Variants in STAT4 observed in about 807,000 individuals in gnomAD.
The protein encoded by STAT4 is signal transducer and activator of transcription 4.
STAT4 carries 42 observed loss-of-function variants against 110.5 expected under a neutral mutation model. The ratio of observed to expected loss-of-function variants is 0.38; its 90% confidence interval spans 0.30 to 0.49. The LOEUF (loss-of-function observed/expected upper bound fraction) is 0.49, where lower values mean the gene tolerates loss of function less well. STAT4 is among the 20% of genes least tolerant of loss of function. STAT4 has a pLI of 0.95. For synonymous variants in STAT4, 284 were observed against 302.2 expected (o/e 0.94, Z 0.63); for missense variants, 632 against 887.9 (o/e 0.71, Z 3.66).
intron 3 of STAT4, among the ~76,000 whole-genome samples, chr2:191,102,476 T>C (rs1698170944): frequency 6.6e-6 from 1 of 152,176 alleles, no homozygotes; most frequent in Admixed American, 6.6e-5. Context: ...AACCTTGTTT[T>C]TACAACAACT....
chr2:191,047,801 G>C (rs1696392025), intron 14 of STAT4, among the ~76,000 whole-genome samples: 1 of 152,122 alleles, frequency 6.6e-6, no homozygotes, highest in Admixed American at 6.5e-5. Flanking sequence ...GAGTAGCTGG[G>C]ACTATGGGCG....
At position 191,099,209 on chromosome 2, in the gene STAT4, TA is replaced by T. The variant is rs1167135859; in HGVS notation, c.274-22885del. Among the ~76,000 whole-genome samples, 1 of 152,082 alleles carries T rather than the reference TA, an allele frequency of 6.6e-6. No individual in the cohort carries two copies. Among genetic ancestry groups the T allele is most frequent in the East Asian group, 1.9e-4 (1 of 5,202 alleles). On this transcript the variant is annotated intron_variant, in intron 3 of 23. Transcript: ENST00000392320. This position sits in a 1 kb window ranked among gnomAD's most constrained non-coding sequence, Gnocchi z 4.1. ...GGTTGACAAAAATAAAAAAGAATGA[TA>T]ATATCTATTGTTAATGAAGATATGG...
At chr2:191,129,992 A>C (rs1365192134) in intron 3 of STAT4, among the ~76,000 whole-genome samples, 1 of 151,814 alleles carries the variant, frequency 6.6e-6, no homozygotes, top group African/African-American at 2.4e-5. Flanking sequence ...GTCTTTTTGA[A>C]ATTTTGCCAA....
rs11686127 is a variant in STAT4, at chr2:191,053,305, C to T, written c.1251+1185G>A. ...TTTACACCTGCAGCACCTCTGAGCACGGGCTGTTGAGCATGACTATCCTGC... is the reference window on the plus strand; with the variant it reads ...TTTACACCTGCAGCACCTCTGAGCATGGGCTGTTGAGCATGACTATCCTGC... On this transcript the variant is annotated intron_variant, in intron 14 of 23. Coordinates refer to ENST00000392320, the MANE Select transcript of STAT4 (RefSeq NM_003151.4). This position sits in a 1 kb window ranked among gnomAD's most constrained non-coding sequence, Gnocchi z 4.5. Among the ~76,000 whole-genome samples, 10,590 of 152,194 alleles carry T rather than the reference C, an allele frequency of 0.07. 441 individuals are homozygous for T. Among genetic ancestry groups the T allele is most frequent in the Middle Eastern group, 0.12 (35 of 294 alleles).
At chr2:191,096,550 C>T (rs1288018521) in intron 3 of STAT4, among the ~76,000 whole-genome samples, 2 of 152,134 alleles carry the variant, frequency 1.3e-5, no homozygotes, top group Non-Finnish European at 2.9e-5. Context: ...GCAGAGAAGG[C>T]CTTTCACAAA....
In STAT4 at chr2:191,091,541, T is replaced by A. The variant is rs1268185388; in HGVS notation, c.274-15216A>T. Among the ~76,000 whole-genome samples, 2 of 152,200 alleles carry A rather than the reference T, an allele frequency of 1.3e-5. No homozygotes were observed. Among genetic ancestry groups the A allele is most frequent in the Admixed American group, 6.5e-5 (1 of 15,278 alleles). On this transcript the variant is annotated intron_variant, in intron 3 of 23. Transcript: ENST00000392320. The surrounding 1 kb of genome is among the most constrained non-coding windows in gnomAD (Gnocchi z 5.4). ...TTTAATGCAATTAAAGTTAGAGTCC[T>A]AACTTTTGGAGGGTTTGAGGTTGAA...
In STAT4 at chr2:191,050,739, G is replaced by A. The variant is rs570703268; in HGVS notation, c.1251+3751C>T. Among the ~76,000 whole-genome samples, 4 of 152,252 alleles carry A rather than the reference G, an allele frequency of 2.6e-5. No individual in the cohort carries two copies. In the South Asian group the frequency reaches 8.3e-4, roughly 32 times the overall value. On this transcript the variant is annotated intron_variant, in intron 14 of 23. Transcript: ENST00000392320. This position sits in a 1 kb window ranked among gnomAD's most constrained non-coding sequence, Gnocchi z 4.3. ...TTTCCCCAACCCCCAGGGCAAATGG[G>A]GTTCCTGAGGTACCTCTTTGGCATC...
At chr2:191,052,585 T>C (rs573235052) in intron 14 of STAT4, among the ~76,000 whole-genome samples, 1 of 152,290 alleles carries the variant, frequency 6.6e-6, no homozygotes, top group East Asian at 1.9e-4. Flanking sequence ...GTGAAGATTT[T>C]CATTTTACAT....
intron 3 of STAT4, among the ~76,000 whole-genome samples, chr2:191,078,014 AT>A (rs1170817845): frequency 6.6e-6 from 1 of 151,716 alleles, no homozygotes; most frequent in Non-Finnish European, 1.5e-5. Context: ...CCCATGTATT[AT>A]TTTTTTCATG....
intron 5 of STAT4, among the ~76,000 whole-genome samples, chr2:191,070,704 C>T (rs1199881006): frequency 6.6e-6 from 1 of 152,148 alleles, no homozygotes; most frequent in Admixed American, 6.6e-5. Flanking sequence ...ATCAGAATAA[C>T]ATTTAATCCA....
Position 191,073,121 on chromosome 2 carries a change from C to A in STAT4, c.442G>T (p.Ala148Ser). ...ERQRNVEHKV[A>S]AIKNSVQMTE... is the part of the protein sequence containing the mutation. ...ACCTGCACACTGTTTTTAATGGCAG[C>A]CACTTTGTGCTCCACATTCCTCTGT... The change falls in exon 5 of 24, where the codon GCT becomes TCT. Residue 148 changes from alanine (A) to serine (S), a missense_variant. Around this residue, in one of 4 missense-constraint regions of STAT4, gnomAD observed 488 missense variants for 632.8 expected, o/e 0.77. Transcript: ENST00000392320. 6.2e-7 allele frequency: 1 copy of A among 1,613,900 alleles called. No individual in the cohort carries two copies. Among genetic ancestry groups the A allele is most frequent in the Non-Finnish European group, 8.5e-7 (1 of 1,179,890 alleles).
chr2:191,138,361 G>T lies in STAT4; in HGVS notation c.273+8252C>A, dbSNP rs926408139. 1.3e-5 allele frequency among the ~76,000 whole-genome samples: 2 copies of T among 152,018 alleles called. No individual in the cohort carries two copies. Among genetic ancestry groups the T allele is most frequent in the Non-Finnish European group, 2.9e-5 (2 of 67,992 alleles). On this transcript the variant is annotated intron_variant, in intron 3 of 23. Transcript: ENST00000392320. This position sits in a 1 kb window ranked among gnomAD's most constrained non-coding sequence, Gnocchi z 4.3. ...GATAATATTGATAGACCATTAGTGAGATTAACCAAAAAAAGAAGAGAGAAG... is the reference window on the plus strand; with the variant it reads ...GATAATATTGATAGACCATTAGTGATATTAACCAAAAAAAGAAGAGAGAAG...
rs1698590799 is a variant in STAT4, at chr2:191,117,057, A to C, written c.273+29556T>G. Among the ~76,000 whole-genome samples, 1 of 152,146 alleles carries C rather than the reference A, an allele frequency of 6.6e-6. No homozygotes were observed. The highest frequency in any genetic ancestry group is 2.1e-4 in the South Asian group (1 of 4,824). ...TCACCTGGGGAGCTTTACAAAATCC[A>C]ATAGGAACAGAATCTCTGGAGTGGG... On this transcript the variant is annotated intron_variant, in intron 3 of 23. Transcript: ENST00000392320. The surrounding 1 kb of genome is among the most constrained non-coding windows in gnomAD (Gnocchi z 5.2).
rs1696770163 is a variant in STAT4, at chr2:191,058,696, A to G, written c.1094+14T>C. Reference sequence around the variant, plus strand: ...ATTTGGAATTGTAATTCAAAACGAAATTAGAAAACTTACTTGTCAATTGAT... The same window carrying G: ...ATTTGGAATTGTAATTCAAAACGAAGTTAGAAAACTTACTTGTCAATTGAT... On this transcript the variant is annotated intron_variant, in intron 11 of 23. Transcript: ENST00000392320. This position sits in a 1 kb window ranked among gnomAD's most constrained non-coding sequence, Gnocchi z 4.3. The G allele has an allele frequency of 4.5e-6, 7 of 1,546,002 alleles. No individual in the cohort carries two copies. Among genetic ancestry groups the G allele is most frequent in the Non-Finnish European group, 6.2e-6 (7 of 1,135,908 alleles).
At chr2:191,095,036 T>G (rs1697928711) in intron 3 of STAT4, among the ~76,000 whole-genome samples, 1 of 151,576 alleles carries the variant, frequency 6.6e-6, no homozygotes. Flanking sequence ...AAGGGATCAA[T>G]TCAACAAGAA....
intron 3 of STAT4, among the ~76,000 whole-genome samples, chr2:191,145,152 T>C (rs1390170286): frequency 1.3e-5 from 2 of 152,202 alleles, no homozygotes; most frequent in African/African-American, 4.8e-5. Flanking sequence ...CACATATTTT[T>C]ATTTTAGGCT....
rs1696833897 is a variant in STAT4, at chr2:191,061,015, T to G, written c.1034+714A>C. ...ATTAGGCCTTTAAAACTTTAGTGCT[T>G]GGAGTTTCAGGCATGATGAGAACCT... is the stretch of plus-strand genomic sequence containing the variant. On this transcript the variant is annotated intron_variant, in intron 10 of 23. Transcript: ENST00000392320. The surrounding 1 kb of genome is among the most constrained non-coding windows in gnomAD (Gnocchi z 6.2). Among the ~76,000 whole-genome samples, 1 of 152,134 alleles carries G rather than the reference T, an allele frequency of 6.6e-6. No homozygotes were observed. The highest frequency in any genetic ancestry group is 2.1e-4 in the South Asian group (1 of 4,826).
At chr2:191,108,543 T>A (rs1698343114) in intron 3 of STAT4, among the ~76,000 whole-genome samples, 1 of 151,984 alleles carries the variant, frequency 6.6e-6, no homozygotes, top group Non-Finnish European at 1.5e-5. Context: ...GAGGTGGTGG[T>A]GGGGGAAGAA....
intron 3 of STAT4, among the ~76,000 whole-genome samples, chr2:191,145,900 T>C (rs1699448559): frequency 6.6e-6 from 1 of 152,184 alleles, no homozygotes; most frequent in Non-Finnish European, 1.5e-5. Flanking sequence ...TTTAATTCTT[T>C]AGATCCCTGA....
Sources: allele counts gnomAD v4.1 joint callset (sites outside exome capture counted in the v4.1 genomes callset), GRCh38; gene constraint gnomAD v4.1.1; regional missense constraint gnomAD v4.1.1; non-coding constraint Gnocchi (gnomAD v3.1); transcripts MANE v1.5; gene names NCBI Gene and HGNC (gene_info 2026-07-23, HGNC 2026-07-21).